Variants in TAPBPL observed in about 807,000 individuals in gnomAD.
TAPBPL encodes TAP binding protein like.
In TAPBPL, 32 loss-of-function variants were observed where a neutral mutation model predicts 44.8. That is an observed-to-expected ratio of 0.71 (90% CI 0.54 to 0.96). The LOEUF (loss-of-function observed/expected upper bound fraction) is 0.96. TAPBPL is among the 40% of genes least tolerant of loss of function. TAPBPL has a pLI of 0.00. For synonymous variants in TAPBPL, 230 were observed against 240.7 expected, an observed-to-expected ratio of 0.96 and a Z score of 0.41; for missense variants, 520 against 586.6, an observed-to-expected ratio of 0.89 and a Z score of 1.17.
chr12:6,464,385 T>G, downstream of TAPBPL: 1 of 1,552,748 alleles, frequency 6.4e-7, no homozygotes, highest in Non-Finnish European at 8.7e-7. Flanking sequence ...GGACGGTGGG[T>G]GGGGAAGTGT....
chr12:6,457,347 G>A, intron 3 of TAPBPL, 59 bp from the exon 4 acceptor site: 1 of 1,531,216 alleles, frequency 6.5e-7, no homozygotes, highest in Non-Finnish European at 8.9e-7. Context: ...ACAGCTTGGA[G>A]ATCAGGTGAC....
chr12:6,452,360 G>A, intron 1 of TAPBPL, 48 bp downstream of exon 1: 1 of 1,546,122 alleles, frequency 6.5e-7, no homozygotes, highest in Non-Finnish European at 8.7e-7. Flanking sequence ...AGCTACTGAA[G>A]CCCCAGGGTG....
downstream of TAPBPL, chr12:6,462,371 GAC>G: frequency 2.0e-6 from 1 of 507,798 alleles, no homozygotes; most frequent in Non-Finnish European, 3.5e-6. Flanking sequence ...AGGAAAAAAA[GAC>G]AAAGAGGTGA....
chr12:6,459,446 C>T (rs1010740432), intron 5 of TAPBPL, among the ~76,000 whole-genome samples: 58 of 152,160 alleles, frequency 3.8e-4, no homozygotes, highest in Admixed American at 3.7e-3. Context: ...TCTGAAGCTT[C>T]GGAGGTAATT....
rs1037353376 is a variant in TAPBPL, at chr12:6,462,028, T to C, written c.1292-6T>C. On this transcript the variant is annotated splice_region_variant and splice_polypyrimidine_tract_variant and intron_variant, in intron 6 of 6. Transcript: ENST00000266556. The stretch of plus-strand genomic sequence containing the variant: ...GCAACTTCCTGTCTTCACTTCCTCT[T>C]ACCAGCACCTACAGGACTTGGGCTG... 1 of 1,610,548 alleles carries C rather than the reference T, an allele frequency of 6.2e-7. No homozygotes were observed. The highest frequency in any genetic ancestry group is 8.5e-7 in the Non-Finnish European group (1 of 1,177,584).
chr12:6,458,795 T>G lies in TAPBPL; in HGVS notation c.1055T>G (p.Phe352Cys). The G allele has an allele frequency of 1.9e-6, 3 of 1,614,070 alleles. No homozygotes were observed. The highest frequency in any genetic ancestry group is 2.5e-6 in the Non-Finnish European group (3 of 1,180,004). ...GSPAQVSGAS[F>C]SSLRQSVAGT... ...CCAGCCCAAGTCTCTGGTGCCTCCT[T>G]CTCCAGCCTCAGGCAAAGCGTGGCA... The change falls in exon 5 of 7, where the codon TTC (phenylalanine) becomes TGC (cysteine). Residue 352 changes from phenylalanine (F) to cysteine (C), a missense_variant. Phe to Cys is a radical substitution (Grantham distance 205, BLOSUM62 -2). Coordinates refer to ENST00000266556, the MANE Select transcript of TAPBPL (RefSeq NM_018009.5).
At chr12:6,456,140 G>GCTTT (rs58118986) in intron 3 of TAPBPL, among the ~76,000 whole-genome samples, 104,045 of 151,310 alleles carry the variant, frequency 0.69, 35,890 homozygotes, top group East Asian at 0.78. Flanking sequence ...TTTTTTTACT[G>GCTTT]CTTTTTCTAA....
At chr12:6,464,438 G>C (rs1418253621), downstream of TAPBPL, 1 of 1,565,510 alleles carries the variant, frequency 6.4e-7, no homozygotes, top group Non-Finnish European at 8.7e-7. Flanking sequence ...AATGTGGATG[G>C]CAATGGACAA....
chr12:6,452,535 C>G, intron 1 of TAPBPL: 1 of 1,412,598 alleles, frequency 7.1e-7, no homozygotes, highest in Non-Finnish European at 9.2e-7. Context: ...GGGGCTGCCT[C>G]TGTGGCTGTG....
chr12:6,458,618 T>C, intron 4 of TAPBPL, 27 bp from the exon 5 acceptor site: 2 of 1,609,122 alleles, frequency 1.2e-6, no homozygotes, highest in Admixed American at 3.3e-5. Context: ...GATCCATGTG[T>C]AATCTTATTC....
Position 6,462,158 on chromosome 12 carries a change from G to A in TAPBPL, c.*9G>A, listed in dbSNP as rs201607140. ...TAAGCCAGCCCAGCTGACCTAAAGC[G>A]ACATGAGACTACTAGAAAGAAACGA... On this transcript the variant is annotated 3_prime_UTR_variant, in exon 7 of 7. Coordinates refer to ENST00000266556, the MANE Select transcript of TAPBPL (RefSeq NM_018009.5). 393 of 1,596,276 alleles carry A rather than the reference G, an allele frequency of 2.5e-4. No individual in the cohort carries two copies. The highest frequency in any genetic ancestry group is 3.2e-4 in the Non-Finnish European group (376 of 1,168,800).
downstream of TAPBPL, chr12:6,465,273 G>A (rs1022179659): frequency 4.6e-6 from 2 of 431,310 alleles, no homozygotes; most frequent in African/African-American, 2.1e-5. Flanking sequence ...TCACTGTGAA[G>A]TGTTCAGCTC....
At chr12:6,458,113 C>T (rs143804594) in intron 4 of TAPBPL, among the ~76,000 whole-genome samples, 2 of 152,250 alleles carry the variant, frequency 1.3e-5, no homozygotes, top group Admixed American at 1.3e-4. Context: ...AGAGGCCGGG[C>T]GCGGTGGCTC....
In TAPBPL at chr12:6,457,478, G is replaced by A; in HGVS notation, c.638G>A (p.Gly213Asp). The change falls in exon 4 of 7, where the codon GGC becomes GAC. Residue 213 changes from glycine to aspartate, a missense_variant. Physicochemically the swap from Gly to Asp is moderately conservative, Grantham distance 94. Coordinates refer to ENST00000266556, the MANE Select transcript of TAPBPL (RefSeq NM_018009.5). Reference protein sequence around the residue: ...LLGSSASLDCGFSMAPGLDLI... With the variant: ...LLGSSASLDCDFSMAPGLDLI... ...GGGTCCTCAGCCTCCTTGGACTGTG[G>A]CTTCTCCATGGCACCGGGCTTGGAC... 6.2e-7 allele frequency: 1 copy of A among 1,614,226 alleles called. No homozygotes were observed. The highest frequency in any genetic ancestry group is 8.5e-7 in the Non-Finnish European group (1 of 1,180,046).
chr12:6,463,316 C>A, downstream of TAPBPL: 1 of 1,195,470 alleles, frequency 8.4e-7, no homozygotes, highest in South Asian at 2.1e-5. The surrounding 1 kb of genome is among the most constrained non-coding windows in gnomAD (Gnocchi z 4.0). Flanking sequence ...CAGGCTGGCA[C>A]GCCTCCCCCC....
chr12:6,451,927 G>T (rs1003658742), upstream of TAPBPL: 3 of 416,492 alleles, frequency 7.2e-6, no homozygotes, highest in Non-Finnish European at 1.3e-5. Flanking sequence ...CCACTTTTTT[G>T]GGACAGGTGG....
chr12:6,461,206 A>C, intron 6 of TAPBPL: 1 of 1,287,628 alleles, frequency 7.8e-7, no homozygotes, highest in Non-Finnish European at 9.9e-7. Flanking sequence ...CTCTAAGTCA[A>C]GTCACAGAGC....
intron 3 of TAPBPL, among the ~76,000 whole-genome samples, chr12:6,456,981 A>G (rs1402853281): frequency 6.6e-6 from 1 of 152,212 alleles, no homozygotes; most frequent in African/African-American, 2.4e-5. Context: ...TATTGTTTCT[A>G]GTCTTCACAG....
downstream of TAPBPL, chr12:6,465,466 A>AGAGT (rs201563012): frequency 1.7e-3 from 176 of 103,194 alleles, 4 homozygotes; most frequent in African/African-American, 7.7e-3. Context: ...GTGTATATAT[A>AGAGT]GTGTGTGTGT....
Sources: gnomAD v4.1 joint callset for allele counts (sites outside exome capture counted in the v4.1 genomes callset) on GRCh38, gnomAD v4.1.1 for gene constraint, Gnocchi (gnomAD v3.1) non-coding constraint, MANE v1.5 for transcripts, NCBI Gene and HGNC (gene_info 2026-07-23, HGNC 2026-07-21) for gene names.